NUDCD3: variants seen among roughly 807,000 people sequenced by gnomAD.
The protein encoded by NUDCD3 is nudC domain-containing protein 3.
Under a neutral mutation model 39.7 loss-of-function variants are expected in NUDCD3, and 13 were observed. The ratio of observed to expected loss-of-function variants is 0.33; its 90% CI spans 0.21 to 0.52. NUDCD3 has a LOEUF of 0.52. Among genes scored for constraint, NUDCD3 ranks in the 20% least tolerant of loss-of-function variants. The probability of loss-of-function intolerance (pLI) is 0.96; values close to 1 mark genes in which losing one functional copy is unlikely to be tolerated. For synonymous variants in NUDCD3, 175 were observed against 172.4 expected, an observed-to-expected ratio of 1.02 and a Z score of -0.12; for missense variants, 453 against 458.1, an observed-to-expected ratio of 0.99 and a Z score of 0.10.
chr7:44,447,873 CCA>C (rs1799716028), intron 2 of NUDCD3, among the ~76,000 whole-genome samples: 1 of 152,122 alleles, frequency 6.6e-6, no homozygotes, highest in South Asian at 2.1e-4. Context: ...CTCTGTCTGG[CCA>C]CACAGGATTG....
At chr7:44,480,941 C>CAAAAAA (rs1164765600) in intron 2 of NUDCD3, among the ~76,000 whole-genome samples, 10 of 34,882 alleles carry the variant, frequency 2.9e-4, no homozygotes, top group African/African-American at 1.0e-3. Flanking sequence ...GACCCAGTAT[C>CAAAAAA]AAAAAAAAAA....
intron 5 of NUDCD3, among the ~76,000 whole-genome samples, chr7:44,387,435 C>A (rs1037631346): frequency 6.6e-6 from 1 of 152,260 alleles, no homozygotes; most frequent in African/African-American, 2.4e-5. Context: ...AGGCAACTCA[C>A]ATCAGAGACT....
At chr7:44,437,093 G>T (rs573955718) in intron 2 of NUDCD3, among the ~76,000 whole-genome samples, 1 of 125,262 alleles carries the variant, frequency 8.0e-6, no homozygotes, top group East Asian at 2.2e-4. Flanking sequence ...TTTTTGAGAC[G>T]GAGACTTGCT....
chr7:44,464,691 TA>T (rs1216230869), intron 2 of NUDCD3, among the ~76,000 whole-genome samples: 1 of 152,182 alleles, frequency 6.6e-6, no homozygotes, highest in Non-Finnish European at 1.5e-5. Context: ...TGGCCTCAAG[TA>T]ATCTGCCCGC....
Position 44,404,421 on chromosome 7 carries a change from C to T in NUDCD3, c.786+19G>A. 6 of 1,612,816 alleles carry T rather than the reference C, an allele frequency of 3.7e-6. No homozygotes were observed. The highest frequency in any genetic ancestry group is 5.1e-6 in the Non-Finnish European group (6 of 1,179,114). The stretch of plus-strand genomic sequence containing the variant: ...TTGAAGTCCACCTGGGAGCCCTACA[C>T]ACAGGTGCCCAAACTTACCAAAACG... On this transcript the variant is annotated intron_variant, in intron 4 of 5. Coordinates refer to ENST00000355451, the MANE Select transcript of NUDCD3 (RefSeq NM_015332.4).
intron 3 of NUDCD3, among the ~76,000 whole-genome samples, chr7:44,420,242 G>A (rs1799112549): frequency 6.6e-6 from 1 of 151,910 alleles, no homozygotes; most frequent in African/African-American, 2.4e-5. Flanking sequence ...GCAGAAGAAA[G>A]AATATCTGAG....
At chr7:44,411,181 TC>T (rs1207237376) in intron 3 of NUDCD3, among the ~76,000 whole-genome samples, 1 of 151,902 alleles carries the variant, frequency 6.6e-6, no homozygotes, top group Non-Finnish European at 1.5e-5. Context: ...TCAAAATGGA[TC>T]AAAAACCTAA....
intron 4 of NUDCD3, 41 bp from the exon 5 acceptor site, chr7:44,392,526 G>C: frequency 6.3e-7 from 1 of 1,577,060 alleles, no homozygotes; most frequent in Non-Finnish European, 8.7e-7. Context: ...AGAGACCTGA[G>C]ACAGGTGTCC....
intron 2 of NUDCD3, among the ~76,000 whole-genome samples, chr7:44,468,896 G>A (rs1800191430): frequency 6.6e-6 from 1 of 151,970 alleles, no homozygotes; most frequent in African/African-American, 2.4e-5. Context: ...CATAACCTAT[G>A]GAATAACTAT....
intron 4 of NUDCD3, among the ~76,000 whole-genome samples, chr7:44,393,542 AC>A (rs1798559758): frequency 6.6e-6 from 1 of 152,180 alleles, no homozygotes; most frequent in Admixed American, 6.5e-5. Flanking sequence ...CAAAATTCTT[AC>A]CAGAGTGGCC....
intron 2 of NUDCD3, among the ~76,000 whole-genome samples, chr7:44,444,190 T>C (rs1799646802): frequency 6.6e-6 from 1 of 152,196 alleles, no homozygotes; most frequent in African/African-American, 2.4e-5. Flanking sequence ...CCCGCCACTT[T>C]AACCTTCTCA....
chr7:44,434,871 T>A (rs1312755195), intron 2 of NUDCD3, among the ~76,000 whole-genome samples: 1 of 152,152 alleles, frequency 6.6e-6, no homozygotes, highest in African/African-American at 2.4e-5. Flanking sequence ...ACTAATAGCA[T>A]CTCTCCCAAA....
intron 3 of NUDCD3, chr7:44,413,118 T>G (rs1333072593): frequency 6.6e-6 from 1 of 151,800 alleles, no homozygotes; most frequent in South Asian, 2.1e-4. Flanking sequence ...TCAGAAGCCA[T>G]GAAAAAACAA....
chr7:44,447,199 G>A (rs73105375), intron 2 of NUDCD3, among the ~76,000 whole-genome samples: 3,084 of 152,318 alleles, frequency 0.02, 38 homozygotes, highest in Non-Finnish European at 0.032. Flanking sequence ...GGGATGGTCC[G>A]TGCAAGTTTG....
At position 44,407,084 on chromosome 7, in the gene NUDCD3, G is replaced by T. The variant is rs1798836799; in HGVS notation, c.643-2501C>A. ...GAGGACCTAGTGTGGATGCCTGTGTGTCAAGTGAAGTCCTACTCACTCAAG... is the reference window on the plus strand; with the variant it reads ...GAGGACCTAGTGTGGATGCCTGTGTTTCAAGTGAAGTCCTACTCACTCAAG... On this transcript the variant is annotated intron_variant, in intron 3 of 5. Transcript: ENST00000355451. 2.6e-5 allele frequency among the ~76,000 whole-genome samples: 4 copies of T among 152,056 alleles called. No homozygotes were observed. The South Asian group carries it at 8.3e-4, about 32-fold the overall frequency.
intron 1 of NUDCD3, chr7:44,490,193 T>C (rs1585115087): frequency 3.7e-6 from 2 of 539,728 alleles, no homozygotes; most frequent in Admixed American, 3.7e-5. Flanking sequence ...GTCGGCTTAC[T>C]ACTTCTGAAA....
At position 44,470,936 on chromosome 7, in the gene NUDCD3, G is replaced by A. The variant is rs560044766; in HGVS notation, c.509+14032C>T. 1.2e-4 allele frequency among the ~76,000 whole-genome samples: 18 copies of A among 152,308 alleles called. No individual in the cohort carries two copies. In the South Asian group the frequency reaches 2.9e-3, roughly 25 times the overall value. On this transcript the variant is annotated intron_variant, in intron 2 of 5. Coordinates refer to ENST00000355451, the MANE Select transcript of NUDCD3 (RefSeq NM_015332.4). ...ATGAGAAAAACTAAATGTTACTGAAGAGTGGCATTCATGAGATATGTTAAA... is the reference window on the plus strand; with the variant it reads ...ATGAGAAAAACTAAATGTTACTGAAAAGTGGCATTCATGAGATATGTTAAA...
chr7:44,438,845 C>T (rs888609828), intron 2 of NUDCD3, among the ~76,000 whole-genome samples: 3 of 152,132 alleles, frequency 2.0e-5, no homozygotes, highest in African/African-American at 4.8e-5. Context: ...TATGCAGGTA[C>T]GTGCATACCT....
intron 5 of NUDCD3, among the ~76,000 whole-genome samples, chr7:44,391,505 G>A (rs569115104): frequency 9.5e-4 from 144 of 152,244 alleles, no homozygotes; most frequent in African/African-American, 3.2e-3. Context: ...ATCGATCAGC[G>A]ATCTTCAGGG....
Sources: allele counts gnomAD v4.1 joint callset (sites outside exome capture counted in the v4.1 genomes callset), GRCh38; gene constraint gnomAD v4.1.1; transcripts MANE v1.5; gene names NCBI Gene and HGNC (gene_info 2026-07-23, HGNC 2026-07-21).